The following TMIE variants were observed in gnomAD, a reference collection of about 807,000 sequenced individuals.
TMIE encodes transmembrane inner ear.
In TMIE, 14 loss-of-function variants were observed where a neutral mutation model predicts 16.8. The observed-to-expected ratio is 0.83, with a 90% CI of 0.55 to 1.30. The LOEUF (loss-of-function observed/expected upper bound fraction) is 1.30. Ranked by LOEUF, TMIE falls within the 50% of genes most tolerant of loss-of-function variation. TMIE has a pLI of 0.00. For synonymous variants in TMIE, 75 were observed against 87.2 expected (o/e 0.86, Z 0.78); for missense variants, 204 against 205.9 (o/e 0.99, Z 0.06).
Position 46,701,695 on chromosome 3 carries a change from G to C in TMIE, c.93+115G>C. On this transcript the variant is annotated intron_variant, in intron 1 of 3. Transcript: ENST00000643606. The surrounding 1 kb of genome is among the most constrained non-coding windows in gnomAD (Gnocchi z 4.3). Reference sequence around the variant, plus strand: ...GTTTGATCCCTTACTCTTGCCCTGAGAGATCCAGTCTCCCGGGCGATGCAG... The same window carrying C: ...GTTTGATCCCTTACTCTTGCCCTGACAGATCCAGTCTCCCGGGCGATGCAG... The C allele has an allele frequency of 1.2e-6, 1 of 865,246 alleles. No homozygotes were observed. Among genetic ancestry groups the C allele is most frequent in the Middle Eastern group, 4.0e-4 (1 of 2,530 alleles). The allele number at this position is 865,246 out of a possible 1,614,324, so 53.6% of individuals were successfully genotyped here.
intron 1 of TMIE, among the ~76,000 whole-genome samples, chr3:46,704,507 TC>T (rs758737962): frequency 0.2 from 24,504 of 122,834 alleles, 2,979 homozygotes; most frequent in South Asian, 0.33. Context: ...CAGGACCGTG[TC>T]CCCTAGACGC....
chr3:46,696,677 A>G (rs552269461), upstream of TMIE, among the ~76,000 whole-genome samples: 1 of 152,266 alleles, frequency 6.6e-6, no homozygotes, highest in East Asian at 1.9e-4. Flanking sequence ...AGGAGAGAAC[A>G]TTCCACAGGG....
upstream of TMIE, chr3:46,701,342 G>A (rs1477179920): frequency 1.7e-6 from 1 of 598,896 alleles, no homozygotes; most frequent in Admixed American, 4.3e-5. This position sits in a 1 kb window ranked among gnomAD's most constrained non-coding sequence, Gnocchi z 4.3. Context: ...GGGCGGCGCG[G>A]GAACCTGACA....
upstream of TMIE, among the ~76,000 whole-genome samples, chr3:46,701,039 C>T (rs137993228): frequency 6.6e-5 from 10 of 151,928 alleles, no homozygotes; most frequent in Non-Finnish European, 1.3e-4. The surrounding 1 kb of genome is among the most constrained non-coding windows in gnomAD (Gnocchi z 4.3). Flanking sequence ...CTGCCCCCCC[C>T]CCAAACTCAA....
At chr3:46,694,139 C>T (rs1700338292), upstream of TMIE, among the ~76,000 whole-genome samples, 1 of 152,134 alleles carries the variant, frequency 6.6e-6, no homozygotes. Context: ...TGTGTGGGTT[C>T]GTGGAACTTG....
chr3:46,694,687 T>C (rs948772793), intron 1 of TMIE: 3 of 152,250 alleles, frequency 2.0e-5, no homozygotes, highest in Non-Finnish European at 4.4e-5. Context: ...GGTGGGAGTT[T>C]ACTGTCTGCC....
Position 46,709,738 on chromosome 3 carries a change from C to T in TMIE, c.*50C>T. ...GCGGGCCCTGGAGCTCAAGCCGTGG[C>T]CGGGGTCCAGGCATGTTGGACTCTG... On this transcript the variant is annotated 3_prime_UTR_variant, in exon 4 of 4. Transcript: ENST00000643606. 6.2e-7 allele frequency: 1 copy of T among 1,611,088 alleles called. No homozygotes were observed. The highest frequency in any genetic ancestry group is 8.5e-7 in the Non-Finnish European group (1 of 1,178,862).
rs777249998 is a variant in TMIE, at chr3:46,709,195, T to A, written c.281T>A (p.Leu94Gln). 1.2e-6 allele frequency: 2 copies of A among 1,614,144 alleles called. No individual in the cohort carries two copies. The highest frequency in any genetic ancestry group is 3.3e-5 in the Admixed American group (2 of 60,030). Reference protein sequence around the residue: ...RTRKEIEARYLQRKAAKMYTD... With the variant: ...RTRKEIEARYQQRKAAKMYTD... ...CGGAAGGAGATCGAAGCCCGGTACCTGCAGCGAAAGGCAGCCAAGATGTAC... is the reference window on the plus strand; with the variant it reads ...CGGAAGGAGATCGAAGCCCGGTACCAGCAGCGAAAGGCAGCCAAGATGTAC... Residue 94 changes from leucine to glutamine, a missense_variant, in exon 3 of 4, where the codon CTG (leucine) becomes CAG (glutamine). Leu to Gln is a moderately radical substitution (Grantham distance 113, BLOSUM62 -2). Transcript: ENST00000643606.
At chr3:46,699,592 T>G (rs578047605), upstream of TMIE, among the ~76,000 whole-genome samples, 29 of 152,304 alleles carry the variant, frequency 1.9e-4, no homozygotes, top group African/African-American at 6.3e-4. Flanking sequence ...TAGTGTACTG[T>G]AAGATCTCAG....
In TMIE at chr3:46,701,439, G is replaced by A. The variant is rs1398191914; in HGVS notation, c.-49G>A. On this transcript the variant is annotated 5_prime_UTR_variant, in exon 1 of 4. Transcript: ENST00000643606. This position sits in a 1 kb window ranked among gnomAD's most constrained non-coding sequence, Gnocchi z 4.3. The stretch of plus-strand genomic sequence containing the variant: ...CCGGCTGGCAGGGGCAGTGACCGGC[G>A]GCCGGCCCGTTCGTCCCTGGGCTCC... 2.6e-5 allele frequency: 36 copies of A among 1,401,918 alleles called. No homozygotes were observed. The highest frequency in any genetic ancestry group is 4.5e-5 in the African/African-American group (3 of 66,344). The allele number at this position is 1,401,918 out of a possible 1,614,324, so 86.8% of individuals were successfully genotyped here.
chr3:46,700,287 C>G (rs539030136), upstream of TMIE, among the ~76,000 whole-genome samples: 1 of 152,318 alleles, frequency 6.6e-6, no homozygotes, highest in South Asian at 2.1e-4. Flanking sequence ...GGCCCTGACA[C>G]TGGCAGGTGA....
chr3:46,699,060 A>ATTTTTTTTT (rs397951323), upstream of TMIE, among the ~76,000 whole-genome samples: 17 of 84,868 alleles, frequency 2.0e-4, no homozygotes, highest in South Asian at 4.3e-4. Context: ...GGTGTTTCTT[A>ATTTTTTTTT]TTTTTTTTTT....
At chr3:46,702,860 G>A (rs1010409802) in intron 1 of TMIE, among the ~76,000 whole-genome samples, 15 of 152,128 alleles carry the variant, frequency 9.9e-5, no homozygotes, top group Non-Finnish European at 2.2e-4. Flanking sequence ...AGCTATGCTG[G>A]CTTGAGCCCT....
At chr3:46,706,603 G>T (rs895359914) in intron 2 of TMIE, among the ~76,000 whole-genome samples, 4 of 152,132 alleles carry the variant, frequency 2.6e-5, no homozygotes, top group Admixed American at 6.5e-5. Flanking sequence ...AAAGCAGAGT[G>T]GGGGGGAATG....
upstream of TMIE, among the ~76,000 whole-genome samples, chr3:46,693,954 T>C (rs1043538059): frequency 2.0e-5 from 3 of 151,834 alleles, no homozygotes; most frequent in Non-Finnish European, 2.9e-5. Flanking sequence ...CTCCGCCCCC[T>C]ACGCACCCAC....
At chr3:46,701,034 C>CG (rs1259275945), upstream of TMIE, among the ~76,000 whole-genome samples, 4 of 151,770 alleles carry the variant, frequency 2.6e-5, no homozygotes, top group African/African-American at 9.7e-5. The surrounding 1 kb of genome is among the most constrained non-coding windows in gnomAD (Gnocchi z 4.3). Context: ...CCGCTCTGCC[C>CG]CCCCCCCAAA....
Position 46,710,034 on chromosome 3 carries a change from G to T in TMIE, c.*346G>T, listed in dbSNP as rs1216943541. On this transcript the variant is annotated 3_prime_UTR_variant, in exon 4 of 4. Coordinates refer to ENST00000643606, the MANE Select transcript of TMIE (RefSeq NM_147196.3). ...CAGGGATGGCAGTGGCTGTGAAGGAGTAATGGGATATGGGGTTACTTCAGC... is the reference window on the plus strand; with the variant it reads ...CAGGGATGGCAGTGGCTGTGAAGGATTAATGGGATATGGGGTTACTTCAGC... The T allele has an allele frequency of 1.3e-5, 5 of 395,320 alleles. No individual in the cohort carries two copies. Among genetic ancestry groups the T allele is most frequent in the Non-Finnish European group, 2.4e-5 (5 of 207,396 alleles). The allele number at this position is 395,320 out of a possible 1,614,324, so 24.5% of individuals were successfully genotyped here. A position where few individuals can be genotyped will look rare whatever the true frequency, so the allele number is the denominator to read the frequency against.
At chr3:46,705,953 A>G in intron 2 of TMIE, 46 bp downstream of exon 2, 1 of 1,566,848 alleles carries the variant, frequency 6.4e-7, no homozygotes, top group East Asian at 2.2e-5. Context: ...CAGTGGGAAC[A>G]CAGCACCCCC....
chr3:46,700,023 G>C (rs1345200260), upstream of TMIE, among the ~76,000 whole-genome samples: 2 of 152,248 alleles, frequency 1.3e-5, no homozygotes, highest in Non-Finnish European at 2.9e-5. Flanking sequence ...TCCCTGACTG[G>C]TCAGTGTGGC....
Sources: gnomAD v4.1 joint callset for allele counts (sites outside exome capture counted in the v4.1 genomes callset) on GRCh38, gnomAD v4.1.1 for gene constraint, Gnocchi (gnomAD v3.1) non-coding constraint, MANE v1.5 for transcripts, NCBI Gene and HGNC (gene_info 2026-07-23, HGNC 2026-07-21) for gene names.